MBD6: variants seen among roughly 807,000 people sequenced by gnomAD.
MBD6 encodes the protein methyl-CpG binding domain protein 6, also known as methyl-CpG-binding domain protein 6.
MBD6 carries 22 observed loss-of-function variants against 66.8 expected under a neutral mutation model. The ratio of observed to expected loss-of-function variants is 0.33; its 90% CI spans 0.24 to 0.47. The LOEUF (loss-of-function observed/expected upper bound fraction) is 0.47, where lower values mean the gene tolerates loss of function less well. MBD6 is among the 20% of genes least tolerant of loss of function. The pLI is 1.00. For synonymous variants in MBD6, 540 were observed against 534.6 expected (o/e 1.01, Z -0.14); for missense variants, 1,322 against 1,286.9 (o/e 1.03, Z -0.42).
In MBD6 at chr12:57,527,850, G is replaced by C; in HGVS notation, c.2239G>C (p.Asp747His). ...CCCTGACTATAATTTCTCAACAGGT[G>C]ACCTGTCTTCACTGACCAGCAGCCC... ...SPLLGASLLGDLSSLTSSPGA... is the reference protein window; with the variant it reads ...SPLLGASLLGHLSSLTSSPGA... Residue 747 changes from aspartate (D) to histidine (H), a missense_variant and splice_region_variant, in exon 9 of 13, where the codon GAC becomes CAC. By Grantham distance (81) the Asp-to-His change is moderately conservative. Coordinates refer to ENST00000355673, the MANE Select transcript of MBD6 (RefSeq NM_052897.4). 1 of 1,613,222 alleles carries C rather than the reference G, an allele frequency of 6.2e-7. No individual in the cohort carries two copies. Among genetic ancestry groups the C allele is most frequent in the Non-Finnish European group, 8.5e-7 (1 of 1,179,922 alleles).
Position 57,526,641 on chromosome 12 carries a change from T to C in MBD6, c.1496T>C (p.Leu499Pro), listed in dbSNP as rs1476333043. ...GTGCTTCAAAGCCCATCCGAAGGAC[T>C]GGGGATGGGGGCAGGCCCGGCCTGC... is the stretch of plus-strand genomic sequence containing the variant. ...SPVLQSPSEG[L>P]GMGAGPACPL... The change falls in exon 7 of 13, where the codon CTG becomes CCG. Residue 499 changes from leucine to proline, a missense_variant. Coordinates refer to ENST00000355673, the MANE Select transcript of MBD6 (RefSeq NM_052897.4). The C allele has an allele frequency of 6.6e-7, 1 of 1,514,646 alleles. No individual in the cohort carries two copies. Among genetic ancestry groups the C allele is most frequent in the African/African-American group, 1.4e-5 (1 of 71,546 alleles). The allele number at this position is 1,514,646 out of a possible 1,614,324, so 93.8% of individuals were successfully genotyped here.
Position 57,525,071 on chromosome 12 carries a change from C to A in MBD6, c.335C>A (p.Thr112Asn). The A allele has an allele frequency of 6.2e-7, 1 of 1,612,854 alleles. No homozygotes were observed. The highest frequency in any genetic ancestry group is 8.5e-7 in the Non-Finnish European group (1 of 1,179,720). ...CGGCGGAAAGCTGTTGCTATGGCAA[C>A]TCTGTACCGCAGCATGGAGACCACC... Reference protein sequence around the residue: ...NHRRKAVAMATLYRSMETTCS... With the variant: ...NHRRKAVAMANLYRSMETTCS... Residue 112 changes from threonine to asparagine, a missense_variant, in exon 5 of 13, where the codon ACT (threonine) becomes AAT (asparagine). By Grantham distance (65) the Thr-to-Asn change is moderately conservative. Transcript: ENST00000355673.
At position 57,528,454 on chromosome 12, in the gene MBD6, G is replaced by A; in HGVS notation, c.2714G>A (p.Arg905Lys). The A allele has an allele frequency of 6.2e-7, 1 of 1,613,856 alleles. No individual in the cohort carries two copies. Among genetic ancestry groups the A allele is most frequent in the Non-Finnish European group, 8.5e-7 (1 of 1,180,036 alleles). ...TRGGFNGQME[R>K]SPRRTHHWQH... is the part of the protein sequence containing the mutation. ...GGTGGCTTCAATGGACAAATGGAAA[G>A]GTCCCCAAGAAGAACCCACCATTGG... The change falls in exon 10 of 13, where the codon AGG becomes AAG. Residue 905 changes from arginine (R) to lysine (K), a missense_variant. Coordinates refer to ENST00000355673, the MANE Select transcript of MBD6 (RefSeq NM_052897.4).
chr12:57,524,256 C>T, intron 2 of MBD6, 24 bp from the exon 3 acceptor site: 1 of 1,397,702 alleles, frequency 7.2e-7, no homozygotes, highest in South Asian at 1.4e-5. Flanking sequence ...CTCCTAGTGC[C>T]TACATGGATG....
In MBD6 at chr12:57,528,374, A is replaced by AAAGCCTGGCAGCCGGCGG. The variant is rs751328975; in HGVS notation, c.2635_2652dup (p.Lys879_Arg884dup). On this transcript the variant is annotated inframe_insertion, in exon 10 of 13. Coordinates refer to ENST00000355673, the MANE Select transcript of MBD6 (RefSeq NM_052897.4). ...GTGAGGCCAGGCCAGCCCGGGGCCG[A>AAAGCCTGGCAGCCGGCGG]AAGCCTGGCAGCCGGCGGGAGCCTG... 1.4e-5 allele frequency: 22 copies of AAAGCCTGGCAGCCGGCGG among 1,612,674 alleles called. No homozygotes were observed. The highest frequency in any genetic ancestry group is 1.8e-5 in the Non-Finnish European group (21 of 1,179,872).
chr12:57,526,850 G>C lies in MBD6; in HGVS notation c.1705G>C (p.Gly569Arg). Reference sequence around the variant, plus strand: ...ATTTGGTGTGCTGACTGGGGGAGGAGGACAACCTCCCCCTGAGCCCCTGCT... The same window carrying C: ...ATTTGGTGTGCTGACTGGGGGAGGACGACAACCTCCCCCTGAGCCCCTGCT... The part of the protein sequence containing the change: ...SLFGVLTGGG[G>R]QPPPEPLLPP... The change falls in exon 7 of 13, where the codon GGA (glycine) becomes CGA (arginine). Residue 569 changes from glycine to arginine, a missense_variant. Coordinates refer to ENST00000355673, the MANE Select transcript of MBD6 (RefSeq NM_052897.4). 6.2e-7 allele frequency: 1 copy of C among 1,613,480 alleles called. No homozygotes were observed. The highest frequency in any genetic ancestry group is 8.5e-7 in the Non-Finnish European group (1 of 1,179,740).
rs759834883 is a variant in MBD6, at chr12:57,526,347, C to G, written c.1379C>G (p.Ser460Cys). ...CAGCCCAGGCACCCCATCCAGCCCT[C>G]CCTGCCTGGGACCACCAGTGGCAGC... ...PPQPRHPIQP[S>C]LPGTTSGSLS... Residue 460 changes from serine (S) to cysteine (C), a missense_variant, in exon 6 of 13, where the codon TCC becomes TGC. Physicochemically the swap from Ser to Cys is moderately radical, Grantham distance 112 (BLOSUM62 -1). Transcript: ENST00000355673. 2.2e-4 allele frequency: 348 copies of G among 1,608,268 alleles called. No individual in the cohort carries two copies. Among genetic ancestry groups the G allele is most frequent in the Non-Finnish European group, 2.5e-4 (291 of 1,176,726 alleles).
chr12:57,526,685 G>A lies in MBD6; in HGVS notation c.1540G>A (p.Gly514Ser). The A allele has an allele frequency of 6.5e-7, 1 of 1,530,306 alleles. No individual in the cohort carries two copies. The allele number at this position is 1,530,306 out of a possible 1,614,324, so 94.8% of individuals were successfully genotyped here. ...GGCCTGCCCTCTGCCTCCCCTGGCT[G>A]GTGGAGAGGCTTTCCCTTTCCCCAG... ...GPACPLPPLA[G>S]GEAFPFPSPE... The change falls in exon 7 of 13, where the codon GGT (glycine) becomes AGT (serine). Residue 514 changes from glycine (G) to serine (S), a missense_variant. Gly to Ser is a moderately conservative substitution (Grantham distance 56, BLOSUM62 0). Coordinates refer to ENST00000355673, the MANE Select transcript of MBD6 (RefSeq NM_052897.4).
chr12:57,521,854 G>C (rs776919091), upstream of MBD6: 6 of 152,240 alleles, frequency 3.9e-5, no homozygotes, highest in Non-Finnish European at 8.8e-5. Flanking sequence ...GCACTTCAGC[G>C]CAGGACTGCC....
chr12:57,525,336 C>T lies in MBD6; in HGVS notation c.380-12C>T. 1 of 1,560,922 alleles carries T rather than the reference C, an allele frequency of 6.4e-7. No homozygotes were observed. Among genetic ancestry groups the T allele is most frequent in the Non-Finnish European group, 8.6e-7 (1 of 1,160,002 alleles). On this transcript the variant is annotated splice_polypyrimidine_tract_variant and intron_variant, in intron 5 of 12. Coordinates refer to ENST00000355673, the MANE Select transcript of MBD6 (RefSeq NM_052897.4). ...AGCCACAGGCTGACCCTTCATTTTT[C>T]ATTTATTGCAGGAGAGGGAGCGAGC...
Position 57,529,431 on chromosome 12 carries a change from A to ACC in MBD6, c.*203_*204dup, listed in dbSNP as rs1459762262. ...GCAGGGAAGTTCACCCCCCCCCACCACCCCCCCGCCCCCCCGAAGCCATGT... is the reference window on the plus strand; with the variant it reads ...GCAGGGAAGTTCACCCCCCCCCACCACCCCCCCCCGCCCCCCCGAAGCCATGT... On this transcript the variant is annotated 3_prime_UTR_variant, in exon 13 of 13. Transcript: ENST00000355673. The ACC allele has an allele frequency of 5.0e-4, 198 of 395,044 alleles. 1 individual carries two copies. Among genetic ancestry groups the ACC allele is most frequent in the African/African-American group, 9.7e-4 (34 of 34,906 alleles). 24.5% of individuals were successfully genotyped at this position (395,044 alleles called of 1,614,324 possible).
chr12:57,530,683 A>AC (rs1185840641), downstream of MBD6: 12 of 1,612,886 alleles, frequency 7.4e-6, no homozygotes, highest in Admixed American at 1.7e-5. Context: ...CAGCTCCCAA[A>AC]TGTGCTCACT....
In MBD6 at chr12:57,525,418, A is replaced by G. The variant is rs376025807; in HGVS notation, c.450A>G (p.Arg150=). ...CCCCCTCTGCCCGCCCTCCCTGTCG[A>G]GTTCCTCCTACAACTCCACTTAATG... The part of the protein sequence containing the change: ...PGPPSARPPC[R]VPPTTPLNGG... The change falls in exon 6 of 13, where the codon CGA becomes CGG. Residue 150 remains arginine, a synonymous_variant. Transcript: ENST00000355673. The G allele has an allele frequency of 1.3e-5, 20 of 1,535,374 alleles. No homozygotes were observed. In the African/African-American group the frequency reaches 2.2e-4, roughly 17 times the overall value.
downstream of MBD6, chr12:57,530,716 A>T (rs1309259852): frequency 6.2e-7 from 1 of 1,613,862 alleles, no homozygotes; most frequent in Non-Finnish European, 8.5e-7. Context: ...TCATCCGTTC[A>T]TCAATGCTGG....
rs996989275 is a variant in MBD6 at position 57,527,858 on chromosome 12, T to C, written c.2247T>C (p.Ser749=). 17 of 1,613,502 alleles carry C rather than the reference T, an allele frequency of 1.1e-5. No homozygotes were observed. The highest frequency in any genetic ancestry group is 1.4e-5 in the Non-Finnish European group (17 of 1,179,958). Residue 749 remains serine, a synonymous_variant, in exon 9 of 13, where the codon TCT becomes TCC. Coordinates refer to ENST00000355673, the MANE Select transcript of MBD6 (RefSeq NM_052897.4). ...ATAATTTCTCAACAGGTGACCTGTC[T>C]TCACTGACCAGCAGCCCTGGAGCCC... ...LLGASLLGDL[S]SLTSSPGALP...
chr12:57,522,666 G>C (rs1218557861), upstream of MBD6: 2 of 151,948 alleles, frequency 1.3e-5, no homozygotes, highest in Non-Finnish European at 1.5e-5. Context: ...CAGTTGGCTC[G>C]TCGCTGTCCG....
rs1382437025 is a variant in MBD6, at chr12:57,526,493, G to A, written c.1421-73G>A. On this transcript the variant is annotated intron_variant, in intron 6 of 12. Coordinates refer to ENST00000355673, the MANE Select transcript of MBD6 (RefSeq NM_052897.4). ...TCTTTGAGGGTTTTCTGGGTTGGGG[G>A]CAGGGAGGTTGGCTTCTTTGGATGA... 3.1e-5 allele frequency: 47 copies of A among 1,510,066 alleles called. No homozygotes were observed. The East Asian group carries it at 5.0e-4, about 16-fold the overall frequency. 93.5% of individuals were successfully genotyped at this position (1,510,066 alleles called of 1,614,324 possible).
At chr12:57,528,100 A>AG (rs772599227) in intron 9 of MBD6, 47 bp from the exon 10 acceptor site, 3 of 1,546,906 alleles carry the variant, frequency 1.9e-6, no homozygotes, top group Non-Finnish European at 1.7e-6. Flanking sequence ...ATAGTAGAAG[A>AG]GGGACGGTAT....
At chr12:57,525,293 A>ATTT in intron 5 of MBD6, 55 bp from the exon 6 acceptor site, 1 of 1,524,136 alleles carries the variant, frequency 6.6e-7, no homozygotes, top group Non-Finnish European at 8.8e-7. Context: ...GAGAAGACAA[A>ATTT]AGAGTTTTTG....
Sources: gnomAD v4.1 joint callset for allele counts on GRCh38, gnomAD v4.1.1 for gene constraint, MANE v1.5 for transcripts, NCBI Gene and HGNC (gene_info 2026-07-23, HGNC 2026-07-21) for gene names.